The following PRIM2 variants were observed in gnomAD, a reference collection of about 807,000 sequenced individuals.
PRIM2 encodes DNA primase subunit 2, also known as DNA primase large subunit.
In PRIM2, 39 loss-of-function variants were observed where a neutral mutation model predicts 67.3. The observed-to-expected ratio is 0.58, with a 90% CI of 0.45 to 0.76. PRIM2 has a LOEUF of 0.76. PRIM2 is among the 30% of genes least tolerant of loss of function. The probability of loss-of-function intolerance (pLI) is 0.00; values close to 1 mark genes in which losing one functional copy is unlikely to be tolerated. For missense variants in PRIM2, 398 were observed against 598.7 expected (o/e 0.66, Z 3.50); for synonymous variants, 143 against 198.7 (o/e 0.72, Z 2.36).
chr6:57,435,125 C>T (rs1001716228), intron 7 of PRIM2: 3 of 152,058 alleles, frequency 2.0e-5, no homozygotes, highest in Non-Finnish European at 4.4e-5. Context: ...TGGGGATGGA[C>T]CCTAGGTGAT....
chr6:57,321,228 T>C (rs1053552482), intron 3 of PRIM2, among the ~76,000 whole-genome samples: 1 of 152,282 alleles, frequency 6.6e-6, no homozygotes, highest in Non-Finnish European at 1.5e-5. Context: ...GAGTTATAAA[T>C]GACACCCAGG....
the PRIM2 span, among the ~76,000 whole-genome samples, chr6:57,223,472 C>T: frequency 6.6e-6 from 1 of 152,054 alleles, no homozygotes; most frequent in Admixed American, 6.6e-5. Context: ...ATAATTCACA[C>T]TTAATAATTT....
At chr6:57,409,950 C>T (rs1309260634) in intron 7 of PRIM2, among the ~76,000 whole-genome samples, 2 of 151,944 alleles carry the variant, frequency 1.3e-5, no homozygotes, top group African/African-American at 4.8e-5. Context: ...ACTCTATGAC[C>T]CATGTTTTGG....
At chr6:57,586,057 T>C (rs1371533297) in intron 10 of PRIM2, among the ~76,000 whole-genome samples, 1 of 152,164 alleles carries the variant, frequency 6.6e-6, no homozygotes, top group Non-Finnish European at 1.5e-5. Context: ...TTTGCTCTCA[T>C]AGTGAGAGTG....
At chr6:57,393,234 C>T (rs1237766095) in intron 7 of PRIM2, among the ~76,000 whole-genome samples, 1 of 152,122 alleles carries the variant, frequency 6.6e-6, no homozygotes, top group African/African-American at 2.4e-5. Context: ...AATCTCCACA[C>T]TGTTTTCCAT....
At chr6:57,412,860 G>T (rs9357964) in intron 7 of PRIM2, among the ~76,000 whole-genome samples, 2 of 152,218 alleles carry the variant, frequency 1.3e-5, no homozygotes, top group African/African-American at 4.8e-5. Context: ...TGAAGAAAGA[G>T]AAAGTAGTTT....
At chr6:57,326,761 A>C (rs1459456825) in intron 5 of PRIM2, among the ~76,000 whole-genome samples, 2 of 152,020 alleles carry the variant, frequency 1.3e-5, no homozygotes, top group African/African-American at 4.8e-5. Context: ...TGTCAGTAAG[A>C]TCTGTATGAA....
At chr6:57,251,096 T>G in the PRIM2 span, among the ~76,000 whole-genome samples, 6 of 152,186 alleles carry the variant, frequency 3.9e-5, no homozygotes, top group African/African-American at 1.4e-4. Context: ...TCTTTTCTGT[T>G]TCTTTCCTAC....
intron 7 of PRIM2, among the ~76,000 whole-genome samples, chr6:57,463,202 T>C (rs1773065110): frequency 6.6e-6 from 1 of 152,158 alleles, no homozygotes. Context: ...AACTAGAAAA[T>C]GAGGCGAGGC....
intron 10 of PRIM2, among the ~76,000 whole-genome samples, chr6:57,564,135 G>A (rs1775692194): frequency 6.6e-6 from 1 of 152,140 alleles, no homozygotes; most frequent in Non-Finnish European, 1.5e-5. Context: ...TACATATTAA[G>A]CTCATTCATG....
the PRIM2 span, among the ~76,000 whole-genome samples, chr6:57,260,357 C>T: frequency 6.6e-6 from 1 of 152,060 alleles, no homozygotes; most frequent in African/African-American, 2.4e-5. Context: ...GAGTTGTGGG[C>T]AAATGGAAAC....
chr6:57,627,516 G>C (rs1272012841), intron 12 of PRIM2, among the ~76,000 whole-genome samples: 2 of 151,186 alleles, frequency 1.3e-5, no homozygotes, highest in Non-Finnish European at 2.9e-5. Context: ...AGCCTCCTGA[G>C]TAGCTGGGAT....
chr6:57,387,220 A>G (rs1188557837), intron 7 of PRIM2, among the ~76,000 whole-genome samples: 1 of 152,154 alleles, frequency 6.6e-6, no homozygotes, highest in Non-Finnish European at 1.5e-5. Context: ...AGAGTGAGGA[A>G]TTTCTCTTAA....
the PRIM2 span, among the ~76,000 whole-genome samples, chr6:57,238,226 A>G: frequency 1.3e-5 from 2 of 152,256 alleles, no homozygotes; most frequent in Admixed American, 6.5e-5. Flanking sequence ...ATAGACATCT[A>G]CAGAACTCTC....
chr6:57,487,477 C>T (rs1271746338), intron 7 of PRIM2, among the ~76,000 whole-genome samples: 2 of 152,250 alleles, frequency 1.3e-5, no homozygotes, highest in Non-Finnish European at 2.9e-5. Context: ...GATCCTCCCA[C>T]CTTGGCTTCC....
At chr6:57,459,242 G>A (rs1199262416) in intron 7 of PRIM2, among the ~76,000 whole-genome samples, 1 of 152,098 alleles carries the variant, frequency 6.6e-6, no homozygotes, top group African/African-American at 2.4e-5. Context: ...AAATGCTCAG[G>A]GTAGCACTCA....
At chr6:57,283,433 A>G in the PRIM2 span, among the ~76,000 whole-genome samples, 1 of 152,198 alleles carries the variant, frequency 6.6e-6, no homozygotes, top group Admixed American at 6.5e-5. Flanking sequence ...ACAGTTTAAA[A>G]TATTAGATTA....
At chr6:57,546,129 T>C (rs1436266177) in intron 10 of PRIM2, among the ~76,000 whole-genome samples, 1 of 152,216 alleles carries the variant, frequency 6.6e-6, no homozygotes, top group Non-Finnish European at 1.5e-5. Flanking sequence ...TGTTGGATGC[T>C]ATGCAGGTTT....
chr6:57,387,972 C>A (rs1770205036), intron 7 of PRIM2, among the ~76,000 whole-genome samples: 2 of 151,710 alleles, frequency 1.3e-5, no homozygotes, highest in African/African-American at 4.8e-5. Flanking sequence ...AAACTGCATT[C>A]CAGGCAGGAA....
Sources: allele counts gnomAD v4.1 joint callset (sites outside exome capture counted in the v4.1 genomes callset), GRCh38; gene constraint gnomAD v4.1.1; transcripts MANE v1.5; gene names NCBI Gene and HGNC (gene_info 2026-07-23, HGNC 2026-07-21).